DPP6: variants seen among roughly 807,000 people sequenced by gnomAD.
DPP6 encodes the protein A-type potassium channel modulatory protein DPP6.
Under a neutral mutation model 122.6 loss-of-function variants are expected in DPP6, and 69 were observed. The observed-to-expected ratio is 0.56, with a 90% CI of 0.46 to 0.69. The LOEUF is 0.69. Ranked by LOEUF, DPP6 falls within the 30% of genes least tolerant of loss-of-function variation. DPP6 has a pLI of 0.00. For missense variants in DPP6, 928 were observed against 1,116.9 expected, an observed-to-expected ratio of 0.83 and a Z score of 2.41; for synonymous variants, 418 against 433.1, an observed-to-expected ratio of 0.97 and a Z score of 0.43.
At position 154,463,214 on chromosome 7, in the gene DPP6, T is replaced by C. The variant is rs1387973271; in HGVS notation, c.359-11725T>C. Among the ~76,000 whole-genome samples, 17 of 114,290 alleles carry C rather than the reference T, an allele frequency of 1.5e-4. 1 individual carries two copies. The highest frequency in any genetic ancestry group is 4.2e-4 in the African/African-American group (13 of 31,216). The allele number at this position is 114,290 out of a possible 152,430, so 75.0% of individuals were successfully genotyped here. On this transcript the variant is annotated intron_variant, in intron 2 of 25. Coordinates refer to ENST00000377770, the MANE Select transcript of DPP6 (RefSeq NM_130797.4). ...CCTTTTCTTTTTTTTTTTTTTTTTT[T>C]TTTTTTTTTTTGAGACGGAGTCTCG...
chr7:153,748,692 C>A, the DPP6 span, among the ~76,000 whole-genome samples: 3 of 110,822 alleles, frequency 2.7e-5, no homozygotes, highest in Non-Finnish European at 5.7e-5. Context: ...AGAGCGCCCT[C>A]GGAGCCGCTG....
chr7:154,031,257 C>T lies in DPP6; in HGVS notation c.51+143523C>T, dbSNP rs540828271. 1.7e-3 allele frequency among the ~76,000 whole-genome samples: 262 copies of T among 150,104 alleles called. 2 individuals carry two copies. Among genetic ancestry groups the T allele is most frequent in the African/African-American group, 6.2e-3 (249 of 40,226 alleles). On this transcript the variant is annotated intron_variant, in intron 1 of 25. Coordinates refer to the DPP6 transcript ENST00000404039. ...TTGCAAACAAGGCTTCTGTGTTCCT[C>T]TGGTTTCTGGGTCTTCCTCATGCCA...
At position 154,481,951 on chromosome 7, in the gene DPP6, C is replaced by T. The variant is rs1475205874; in HGVS notation, c.457+6914C>T. Among the ~76,000 whole-genome samples the T allele has an allele frequency of 2.0e-5, 3 of 152,176 alleles. No homozygotes were observed. On this transcript the variant is annotated intron_variant, in intron 3 of 25. Transcript: ENST00000377770. The surrounding 1 kb of genome is among the most constrained non-coding windows in gnomAD (Gnocchi z 4.2). ...GTGGTATCCCCAGCACCAGCAAAGT[C>T]CCCAGTTTGTGGCCGTCCACGAAGA...
At chr7:154,011,976 A>ATTGTT (rs1798173376) in intron 1 of DPP6, among the ~76,000 whole-genome samples, 3 of 152,234 alleles carry the variant, frequency 2.0e-5, no homozygotes, top group Admixed American at 2.0e-4. Context: ...ATGATAGAAC[A>ATTGTT]ATAACAATGT....
chr7:154,077,937 G>A (rs987750435), intron 1 of DPP6, among the ~76,000 whole-genome samples: 1 of 152,006 alleles, frequency 6.6e-6, no homozygotes, highest in Non-Finnish European at 1.5e-5. Context: ...CCAAAGTGTC[G>A]GGATTACAGG....
chr7:154,595,935 C>T (rs1403823160), intron 5 of DPP6, among the ~76,000 whole-genome samples: 1 of 152,166 alleles, frequency 6.6e-6, no homozygotes, highest in African/African-American at 2.4e-5. Context: ...GTGGCAGGCA[C>T]CTATAATCCC....
the DPP6 span, among the ~76,000 whole-genome samples, chr7:153,771,648 G>A: frequency 6.6e-6 from 1 of 152,116 alleles, no homozygotes; most frequent in Non-Finnish European, 1.5e-5. Flanking sequence ...CCCCCCTGAA[G>A]TGATCTTTTT....
At chr7:153,824,465 T>C in the DPP6 span, among the ~76,000 whole-genome samples, 1 of 148,408 alleles carries the variant, frequency 6.7e-6, no homozygotes, top group African/African-American at 2.5e-5. Context: ...GGTGGGTGGA[T>C]CACCTGAGGT....
intron 6 of DPP6, among the ~76,000 whole-genome samples, chr7:154,664,516 G>A (rs950660672): frequency 1.3e-5 from 2 of 152,176 alleles, no homozygotes; most frequent in Non-Finnish European, 2.9e-5. Context: ...CACAGGTCAA[G>A]TGAATTTGTT....
intron 1 of DPP6, among the ~76,000 whole-genome samples, chr7:154,286,248 C>T (rs1004422760): frequency 6.6e-6 from 1 of 152,088 alleles, no homozygotes; most frequent in African/African-American, 2.4e-5. Context: ...GAGATCCCAG[C>T]TTAGCCAACA....
Position 154,320,478 on chromosome 7 carries a change from T to G in DPP6, c.244-125736T>G, listed in dbSNP as rs556306752. ...ATAAAATAGCCAATTGTACTTTGTT[T>G]TTTTTTTTGTTGTTGTTTTTCTTGA... On this transcript the variant is annotated intron_variant, in intron 1 of 25. Coordinates refer to ENST00000377770, the MANE Select transcript of DPP6 (RefSeq NM_130797.4). Among the ~76,000 whole-genome samples, 979 of 86,720 alleles carry G rather than the reference T, an allele frequency of 0.011. 27 individuals carry two copies. In the East Asian group the frequency reaches 0.12, roughly 11 times the overall value. 56.9% of individuals were successfully genotyped at this position (86,720 alleles called of 152,430 possible).
At chr7:153,875,669 A>G in the DPP6 span, among the ~76,000 whole-genome samples, 1 of 152,016 alleles carries the variant, frequency 6.6e-6, no homozygotes, top group East Asian at 1.9e-4. Context: ...TTTTGAATTT[A>G]TGGGGTAAAC....
the DPP6 span, among the ~76,000 whole-genome samples, chr7:153,810,961 A>T: frequency 6.6e-6 from 1 of 152,134 alleles, no homozygotes; most frequent in East Asian, 1.9e-4. Flanking sequence ...TAGTTTAAAC[A>T]CATGGCCAGC....
intron 1 of DPP6, among the ~76,000 whole-genome samples, chr7:153,993,296 T>G (rs376123238): frequency 2.0e-5 from 3 of 152,192 alleles, no homozygotes; most frequent in African/African-American, 7.2e-5. Context: ...CCCAGATTGA[T>G]CCCGTCTTCT....
intron 1 of DPP6, among the ~76,000 whole-genome samples, chr7:154,159,723 C>T (rs1380886417): frequency 2.6e-5 from 4 of 152,268 alleles, no homozygotes; most frequent in Non-Finnish European, 4.4e-5. Flanking sequence ...ATGAGCAAAG[C>T]GCTACAAATA....
chr7:154,527,662 A>G (rs1586546554), intron 3 of DPP6, among the ~76,000 whole-genome samples: 1 of 152,306 alleles, frequency 6.6e-6, no homozygotes, highest in Non-Finnish European at 1.5e-5. Context: ...ATTAAAATCT[A>G]TTACTATGTA....
chr7:154,084,930 C>A (rs1187775675), intron 1 of DPP6, among the ~76,000 whole-genome samples: 1 of 129,530 alleles, frequency 7.7e-6, no homozygotes, highest in African/African-American at 3.0e-5. Context: ...GCAGAGCTTG[C>A]AGTGAGCTGA....
At chr7:154,703,645 T>C (rs1459493339) in intron 7 of DPP6, among the ~76,000 whole-genome samples, 1 of 143,190 alleles carries the variant, frequency 7.0e-6, no homozygotes, top group Non-Finnish European at 1.5e-5. Context: ...AGAAAAGAAA[T>C]ACATTTCATA....
chr7:154,280,975 A>T (rs1192837833), intron 1 of DPP6, among the ~76,000 whole-genome samples: 1 of 140,558 alleles, frequency 7.1e-6, no homozygotes, highest in African/African-American at 2.8e-5. Flanking sequence ...ACACAATTTT[A>T]TTTCTTATTT....
Sources: allele counts gnomAD v4.1 joint callset (sites outside exome capture counted in the v4.1 genomes callset), GRCh38; gene constraint gnomAD v4.1.1; non-coding constraint Gnocchi (gnomAD v3.1); transcripts MANE v1.5; gene names NCBI Gene and HGNC (gene_info 2026-07-23, HGNC 2026-07-21).